Variants in SPICE1 observed in about 807,000 individuals in gnomAD.
SPICE1 encodes the protein spindle and centriole associated protein 1, also known as spindle and centriole-associated protein 1.
In SPICE1, 75 loss-of-function variants were observed where a neutral mutation model predicts 102.7. The observed-to-expected ratio is 0.73, with a 90% CI of 0.61 to 0.88. The LOEUF is 0.88. Ranked by LOEUF, SPICE1 falls within the 40% of genes least tolerant of loss-of-function variation. The pLI is 0.00. For synonymous variants in SPICE1, 308 were observed against 350.3 expected, an observed-to-expected ratio of 0.88 and a Z score of 1.35; for missense variants, 979 against 1,020.1, an observed-to-expected ratio of 0.96 and a Z score of 0.55.
At chr3:113,469,631 AAGG>A (rs1384937001) in intron 7 of SPICE1, among the ~76,000 whole-genome samples, 23 of 151,398 alleles carry the variant, frequency 1.5e-4, no homozygotes, top group Admixed American at 5.3e-4. Flanking sequence ...GTTTGATTTG[AAGG>A]AGCTTTTAGT....
chr3:113,449,896 C>T, intron 15 of SPICE1: 1 of 156,468 alleles, frequency 6.4e-6, no homozygotes, highest in Admixed American at 6.2e-5. Flanking sequence ...ATTCAGAATC[C>T]CCTCTAGCTT....
At chr3:113,514,734 G>A (rs1937289689) in intron 1 of SPICE1, 163 bp downstream of exon 1, 2 of 1,278,238 alleles carry the variant, frequency 1.6e-6, no homozygotes, top group Non-Finnish European at 2.0e-6. Flanking sequence ...ACCCTGGATA[G>A]TTTGCCTCTC....
At position 113,457,202 on chromosome 3, in the gene SPICE1, CA is replaced by C; in HGVS notation, c.1590del (p.Phe530LeufsTer7). On this transcript the variant is annotated frameshift_variant, in exon 13 of 18. Transcript: ENST00000295872. LOFTEE classifies it high-confidence loss of function. Reference sequence around the variant, plus strand: ...GGTGGTGTTAACAACACAGCTGGCTCAAAAATATGTGCTGGAAAATTCTTGG... The same window carrying C: ...GGTGGTGTTAACAACACAGCTGGCTCAAAATATGTGCTGGAAAATTCTTGG... ...NLAKNFPAHI[F>X]EPAVLLTPPR... 1 of 1,614,088 alleles carries C rather than the reference CA, an allele frequency of 6.2e-7. No individual in the cohort carries two copies.
chr3:113,506,683 G>GAAA, intron 1 of SPICE1, 78 bp from the exon 2 acceptor site: 4 of 875,306 alleles, frequency 4.6e-6, no homozygotes, highest in Non-Finnish European at 6.5e-6. Flanking sequence ...GAAGACACCT[G>GAAA]AAAAAAAAAA....
At chr3:113,491,748 C>T (rs1936774965) in intron 6 of SPICE1, among the ~76,000 whole-genome samples, 1 of 151,154 alleles carries the variant, frequency 6.6e-6, no homozygotes, top group Non-Finnish European at 1.5e-5. Context: ...CCATTTTTCT[C>T]TGCTACCTCT....
intron 1 of SPICE1, chr3:113,514,456 C>T: frequency 2.8e-6 from 1 of 363,142 alleles, no homozygotes; most frequent in Non-Finnish European, 5.5e-6. Context: ...AGCAATCCAA[C>T]TCAGCTTGGC....
chr3:113,467,997 C>T (rs967606633), intron 10 of SPICE1, 142 bp downstream of exon 10: 1 of 1,037,342 alleles, frequency 9.6e-7, no homozygotes, highest in Non-Finnish European at 1.4e-6. Flanking sequence ...GCCTTTACTG[C>T]AGATAATCTA....
intron 2 of SPICE1, among the ~76,000 whole-genome samples, chr3:113,503,444 A>G (rs1365587802): frequency 6.6e-6 from 1 of 152,210 alleles, no homozygotes; most frequent in African/African-American, 2.4e-5. Flanking sequence ...TGTCTTACAG[A>G]AAATAAGTAC....
In SPICE1 at chr3:113,505,327, G is replaced by A. The variant is rs558787205; in HGVS notation, c.99+1180C>T. Among the ~76,000 whole-genome samples the A allele has an allele frequency of 6.6e-5, 10 of 150,766 alleles. No individual in the cohort carries two copies. The East Asian group carries it at 1.7e-3, about 26-fold the overall frequency. On this transcript the variant is annotated intron_variant, in intron 2 of 17. Transcript: ENST00000295872. ...ATGTTATCACATATTTTTTTTTTCC[G>A]ATTTATCAGTTTCCTTACCTTAGAG...
intron 4 of SPICE1, among the ~76,000 whole-genome samples, chr3:113,498,059 A>G (rs955277589): frequency 7.2e-5 from 11 of 151,980 alleles, no homozygotes; most frequent in Non-Finnish European, 1.3e-4. Flanking sequence ...GTATTTTTGT[A>G]GAGATGGGGT....
chr3:113,496,059 CTTTTTTTTTT>C (rs10557473), intron 4 of SPICE1, among the ~76,000 whole-genome samples: 2 of 82,936 alleles, frequency 2.4e-5, no homozygotes, highest in African/African-American at 9.8e-5. Context: ...TTTTTTACAA[CTTTTTTTTTT>C]TTTTTTTTTT....
chr3:113,508,631 A>C (rs1011657673), intron 1 of SPICE1, among the ~76,000 whole-genome samples: 1 of 152,192 alleles, frequency 6.6e-6, no homozygotes, highest in Non-Finnish European at 1.5e-5. Flanking sequence ...AAAATATGGA[A>C]AAACTAGAAT....
chr3:113,491,659 T>C (rs960937154), intron 6 of SPICE1, among the ~76,000 whole-genome samples: 23 of 139,164 alleles, frequency 1.7e-4, no homozygotes, highest in African/African-American at 5.3e-4. Context: ...AGATTATCTA[T>C]AGCAACACCA....
At chr3:113,458,039 G>A (rs989531662) in intron 12 of SPICE1, among the ~76,000 whole-genome samples, 4 of 152,178 alleles carry the variant, frequency 2.6e-5, no homozygotes, top group Admixed American at 6.5e-5. Context: ...ACATTCCATA[G>A]TATTTTAAAA....
rs62265999 is a variant in SPICE1, at chr3:113,482,114, C to A, written c.611+6831G>T. Among the ~76,000 whole-genome samples the A allele has an allele frequency of 2.0e-4, 31 of 152,230 alleles. 1 individual carries two copies. The highest frequency in any genetic ancestry group is 1.7e-3 in the Admixed American group (26 of 15,296). On this transcript the variant is annotated intron_variant, in intron 7 of 17. Coordinates refer to ENST00000295872, the MANE Select transcript of SPICE1 (RefSeq NM_144718.4). Reference sequence around the variant, plus strand: ...TTTTAATGATCGCCATTCTAACTGGCGTGAGATGGTATCTCATTGTGGTTT... The same window carrying A: ...TTTTAATGATCGCCATTCTAACTGGAGTGAGATGGTATCTCATTGTGGTTT...
chr3:113,514,237 G>C (rs1937279989), intron 1 of SPICE1, among the ~76,000 whole-genome samples: 1 of 152,216 alleles, frequency 6.6e-6, no homozygotes, highest in Admixed American at 6.5e-5. Flanking sequence ...GAACACCTAA[G>C]ACCATAGGAA....
At chr3:113,466,595 C>T (rs543383801) in intron 10 of SPICE1, among the ~76,000 whole-genome samples, 2 of 144,810 alleles carry the variant, frequency 1.4e-5, no homozygotes, top group Non-Finnish European at 3.0e-5. Flanking sequence ...AGCAACAGAG[C>T]GAGACTCTGT....
chr3:113,473,121 G>T (rs1036681127), intron 7 of SPICE1, among the ~76,000 whole-genome samples: 1 of 152,158 alleles, frequency 6.6e-6, no homozygotes, highest in Non-Finnish European at 1.5e-5. Context: ...ACCAAGGCTC[G>T]AGAACTACAT....
At chr3:113,498,036 T>C (rs563118700) in intron 4 of SPICE1, among the ~76,000 whole-genome samples, 8 of 152,142 alleles carry the variant, frequency 5.3e-5, no homozygotes, top group African/African-American at 1.9e-4. Flanking sequence ...GCCATCATGC[T>C]CAGCTAATTT....
Sources: gnomAD v4.1 joint callset for allele counts (sites outside exome capture counted in the v4.1 genomes callset) on GRCh38, gnomAD v4.1.1 for gene constraint, MANE v1.5 for transcripts, NCBI Gene and HGNC (gene_info 2026-07-23, HGNC 2026-07-21) for gene names.